The following KHDRBS3 variants were observed in gnomAD, a reference collection of about 807,000 sequenced individuals.
The protein encoded by KHDRBS3 is KH RNA binding domain containing, signal transduction associated 3.
Under a neutral mutation model 45.6 loss-of-function variants are expected in KHDRBS3, and 23 were observed. The observed-to-expected ratio is 0.50, with a 90% CI of 0.36 to 0.72. The LOEUF (loss-of-function observed/expected upper bound fraction) is 0.72, where lower values mean the gene tolerates loss of function less well. Among genes scored for constraint, KHDRBS3 ranks in the 30% least tolerant of loss-of-function variants. The pLI is 0.00. For missense variants in KHDRBS3, 352 were observed against 424.8 expected, an observed-to-expected ratio of 0.83 and a Z score of 1.51; for synonymous variants, 162 against 156.5, an observed-to-expected ratio of 1.04 and a Z score of -0.26.
intron 7 of KHDRBS3, among the ~76,000 whole-genome samples, chr8:135,630,415 C>G (rs1158212782): frequency 6.6e-6 from 1 of 152,038 alleles, no homozygotes; most frequent in Non-Finnish European, 1.5e-5. Flanking sequence ...CTTAATTTAC[C>G]AAACCTACTT....
chr8:135,612,064 A>T lies in KHDRBS3; in HGVS notation c.890+5027A>T, dbSNP rs556406139. Among the ~76,000 whole-genome samples the T allele has an allele frequency of 2.0e-5, 3 of 151,940 alleles. No homozygotes were observed. The East Asian group carries it at 5.8e-4, about 29-fold the overall frequency. ...CTTCGATATTGCTAAATTCAAGTTTAAAAATGTTATTCCCAAATTCAGAGA... is the reference window on the plus strand; with the variant it reads ...CTTCGATATTGCTAAATTCAAGTTTTAAAATGTTATTCCCAAATTCAGAGA... On this transcript the variant is annotated intron_variant, in intron 7 of 8. Transcript: ENST00000355849.
chr8:135,480,104 AT>A (rs1392382518), intron 1 of KHDRBS3, among the ~76,000 whole-genome samples: 1 of 140,746 alleles, frequency 7.1e-6, no homozygotes, highest in Non-Finnish European at 1.6e-5. Context: ...CTTTTAACAA[AT>A]TCTGACCACT....
chr8:135,496,430 G>A (rs180943391), intron 1 of KHDRBS3, among the ~76,000 whole-genome samples: 277 of 151,848 alleles, frequency 1.8e-3, no homozygotes, highest in Non-Finnish European at 2.0e-3. Flanking sequence ...ATGGGTTTTC[G>A]CCATGTTGGC....
intron 1 of KHDRBS3, among the ~76,000 whole-genome samples, chr8:135,465,122 T>C (rs973715639): frequency 6.6e-6 from 1 of 152,212 alleles, no homozygotes; most frequent in Non-Finnish European, 1.5e-5. Flanking sequence ...GAAACAGTGT[T>C]AACTCAACAA....
At chr8:135,518,426 G>A (rs1323900788) in intron 1 of KHDRBS3, among the ~76,000 whole-genome samples, 4 of 151,944 alleles carry the variant, frequency 2.6e-5, no homozygotes, top group Admixed American at 6.6e-5. Flanking sequence ...CACCCGCCTC[G>A]GCCTCCCAAA....
intron 1 of KHDRBS3, among the ~76,000 whole-genome samples, chr8:135,499,590 G>A (rs752877038): frequency 2.6e-5 from 4 of 152,126 alleles, no homozygotes; most frequent in Non-Finnish European, 5.9e-5. Flanking sequence ...TCTTAGATAC[G>A]GGATATAGCC....
intron 1 of KHDRBS3, among the ~76,000 whole-genome samples, chr8:135,519,640 G>A (rs1296983699): frequency 6.6e-6 from 1 of 152,174 alleles, no homozygotes; most frequent in Non-Finnish European, 1.5e-5. Flanking sequence ...TTTTAAACTT[G>A]AAGAACCTGC....
intron 1 of KHDRBS3, among the ~76,000 whole-genome samples, chr8:135,460,275 A>G (rs908078921): frequency 5.3e-5 from 8 of 152,254 alleles, no homozygotes; most frequent in African/African-American, 1.4e-4. Flanking sequence ...ATGGGCCAGC[A>G]TGGCAAACCT....
intron 1 of KHDRBS3, among the ~76,000 whole-genome samples, chr8:135,513,477 C>A (rs1824412136): frequency 1.3e-5 from 2 of 152,152 alleles, no homozygotes; most frequent in African/African-American, 4.8e-5. Context: ...AAGTTACTTT[C>A]TGACAGCCAT....
intron 6 of KHDRBS3, among the ~76,000 whole-genome samples, chr8:135,593,611 G>A (rs925941180): frequency 6.6e-6 from 1 of 152,058 alleles, no homozygotes; most frequent in East Asian, 1.9e-4. Context: ...CTGAGTAGCT[G>A]GCACCACATG....
At chr8:135,627,455 A>G (rs924009180) in intron 7 of KHDRBS3, among the ~76,000 whole-genome samples, 1 of 152,222 alleles carries the variant, frequency 6.6e-6, no homozygotes, top group Non-Finnish European at 1.5e-5. Context: ...AAGGATTGAT[A>G]CATTATCACT....
chr8:135,607,128 A>G, intron 7 of KHDRBS3, 91 bp downstream of exon 7: 1 of 976,848 alleles, frequency 1.0e-6, no homozygotes, highest in Non-Finnish European at 1.6e-6. Flanking sequence ...AGTCAGCTAG[A>G]GAGGGTAATT....
chr8:135,488,034 T>C (rs1035846266), intron 1 of KHDRBS3, among the ~76,000 whole-genome samples: 2 of 152,236 alleles, frequency 1.3e-5, no homozygotes, highest in Non-Finnish European at 2.9e-5. Context: ...TGCATGTGCA[T>C]AGGTGCATAT....
chr8:135,460,804 G>C (rs1273468438), intron 1 of KHDRBS3, among the ~76,000 whole-genome samples: 1 of 152,198 alleles, frequency 6.6e-6, no homozygotes, highest in Non-Finnish European at 1.5e-5. Flanking sequence ...CCTGTGACTA[G>C]TGTATTAGTT....
At chr8:135,577,302 C>G (rs561626483) in intron 5 of KHDRBS3, among the ~76,000 whole-genome samples, 1 of 152,288 alleles carries the variant, frequency 6.6e-6, no homozygotes, top group East Asian at 1.9e-4. Context: ...AATTCACTCT[C>G]TGTGCTGTGA....
chr8:135,571,223 A>AT (rs1338790545), intron 5 of KHDRBS3, among the ~76,000 whole-genome samples: 3 of 152,110 alleles, frequency 2.0e-5, no homozygotes, highest in Non-Finnish European at 4.4e-5. Context: ...TTGCCAACTT[A>AT]TTTTTTCCTA....
intron 4 of KHDRBS3, 58 bp from the exon 5 acceptor site, chr8:135,557,390 A>T: frequency 9.1e-7 from 1 of 1,101,060 alleles, no homozygotes; most frequent in Admixed American, 2.5e-5. Flanking sequence ...TTTTTGTTCT[A>T]AATATTTTTG....
At chr8:135,630,777 TA>T (rs930634467) in intron 7 of KHDRBS3, among the ~76,000 whole-genome samples, 4 of 151,898 alleles carry the variant, frequency 2.6e-5, no homozygotes, top group African/African-American at 9.7e-5. Flanking sequence ...AAATATGGTA[TA>T]AAAAAAGATG....
At chr8:135,572,741 T>TG (rs769319179) in intron 5 of KHDRBS3, among the ~76,000 whole-genome samples, 16 of 152,234 alleles carry the variant, frequency 1.1e-4, no homozygotes, top group Non-Finnish European at 2.2e-4. Flanking sequence ...TCTCTAGAGT[T>TG]GCTCAGAGTG....
Sources: gnomAD v4.1 joint callset for allele counts (sites outside exome capture counted in the v4.1 genomes callset) on GRCh38, gnomAD v4.1.1 for gene constraint, MANE v1.5 for transcripts, NCBI Gene and HGNC (gene_info 2026-07-23, HGNC 2026-07-21) for gene names.